Variants in TMTC2 observed in about 807,000 individuals in gnomAD.
TMTC2 encodes the protein transmembrane O-mannosyltransferase targeting cadherins 2.
Under a neutral mutation model 82.4 loss-of-function variants are expected in TMTC2, and 43 were observed. The ratio of observed to expected loss-of-function variants is 0.52; its 90% CI spans 0.41 to 0.67. TMTC2 has a LOEUF of 0.67. Among genes scored for constraint, TMTC2 ranks in the 30% least tolerant of loss-of-function variants. TMTC2 has a pLI of 0.00. For missense variants in TMTC2, 919 were observed against 1,012.4 expected, an observed-to-expected ratio of 0.91 and a Z score of 1.25; for synonymous variants, 408 against 381.9, an observed-to-expected ratio of 1.07 and a Z score of -0.80.
At chr12:82,752,075 AGTT>A (rs945445461) in intron 1 of TMTC2, among the ~76,000 whole-genome samples, 8 of 151,312 alleles carry the variant, frequency 5.3e-5, no homozygotes, top group African/African-American at 1.9e-4. Flanking sequence ...CTTTCCAAAT[AGTT>A]GTTAAATAGA....
intron 3 of TMTC2, among the ~76,000 whole-genome samples, chr12:82,905,170 C>G (rs930943619): frequency 1.3e-5 from 2 of 152,262 alleles, no homozygotes; most frequent in East Asian, 3.9e-4. Context: ...CTGGTCACCT[C>G]TCTTCCCTGA....
intron 1 of TMTC2, among the ~76,000 whole-genome samples, chr12:82,849,628 T>G (rs958668497): frequency 4.6e-5 from 7 of 152,126 alleles, no homozygotes; most frequent in African/African-American, 1.7e-4. Flanking sequence ...TTAGTTTGGA[T>G]TCAGACTTAC....
chr12:82,754,043 T>C (rs1011861934), intron 1 of TMTC2, among the ~76,000 whole-genome samples: 1 of 152,198 alleles, frequency 6.6e-6, no homozygotes, highest in Non-Finnish European at 1.5e-5. Context: ...GAGATTGAGA[T>C]TTATGCCCAA....
At chr12:83,107,186 A>C (rs1884435746) in intron 11 of TMTC2, among the ~76,000 whole-genome samples, 1 of 152,272 alleles carries the variant, frequency 6.6e-6, no homozygotes, top group South Asian at 2.1e-4. Context: ...GTATGATCTT[A>C]CAATAGAATA....
intron 1 of TMTC2, among the ~76,000 whole-genome samples, chr12:82,855,034 G>A (rs1289468122): frequency 6.6e-6 from 1 of 152,150 alleles, no homozygotes; most frequent in Non-Finnish European, 1.5e-5. Context: ...TATATGTAAA[G>A]CACTGTTCTC....
intron 8 of TMTC2, among the ~76,000 whole-genome samples, chr12:83,028,661 T>A (rs1881283251): frequency 6.6e-6 from 1 of 152,156 alleles, no homozygotes; most frequent in African/African-American, 2.4e-5. Context: ...TAGTTACAAG[T>A]TGAAATAATT....
At chr12:83,073,167 G>A (rs574505806) in intron 11 of TMTC2, among the ~76,000 whole-genome samples, 6 of 152,134 alleles carry the variant, frequency 3.9e-5, no homozygotes, top group African/African-American at 1.4e-4. Context: ...AGCAGTTCTT[G>A]TAGTGGTAGG....
rs1320417087 is a variant in TMTC2 at position 82,896,381 on chromosome 12, T to A, written c.1218T>A (p.Val406=). 2.5e-6 allele frequency: 4 copies of A among 1,614,132 alleles called. No homozygotes were observed. The highest frequency in any genetic ancestry group is 3.3e-5 in the Admixed American group (2 of 60,012). ...TATCTTTGTTAATCATACCCTTTGTTCCTGCCACGAACCTGTTTTTCTATG... is the reference window on the plus strand; with the variant it reads ...TATCTTTGTTAATCATACCCTTTGTACCTGCCACGAACCTGTTTTTCTATG... ...LSLSLLIIPF[V]PATNLFFYVG... The change falls in exon 3 of 12, where the codon GTT becomes GTA. Residue 406 remains valine, a synonymous_variant. Coordinates refer to ENST00000321196, the MANE Select transcript of TMTC2 (RefSeq NM_152588.3).
intron 1 of TMTC2, among the ~76,000 whole-genome samples, chr12:82,688,309 C>G (rs1215756225): frequency 2.0e-5 from 3 of 152,162 alleles, no homozygotes; most frequent in Non-Finnish European, 4.4e-5. Context: ...TTTCTCATTT[C>G]TGTTTGGGAG....
At chr12:82,790,843 GAAAGAA>G (rs1023494871) in intron 1 of TMTC2, among the ~76,000 whole-genome samples, 90 of 147,952 alleles carry the variant, frequency 6.1e-4, no homozygotes, top group African/African-American at 2.1e-3. Context: ...AAAAAAAAAA[GAAAGAA>G]AAAGAAAAAG....
intron 11 of TMTC2, among the ~76,000 whole-genome samples, chr12:83,116,229 T>C (rs1884757207): frequency 6.6e-6 from 1 of 152,178 alleles, no homozygotes; most frequent in African/African-American, 2.4e-5. Flanking sequence ...CAGTCTCATC[T>C]AGGTTGTGGC....
chr12:82,977,813 G>A (rs1213210424), intron 7 of TMTC2, among the ~76,000 whole-genome samples: 1 of 151,756 alleles, frequency 6.6e-6, no homozygotes, highest in Non-Finnish European at 1.5e-5. Context: ...CAGAAGTGCA[G>A]TACTTACATA....
At chr12:82,759,118 G>T (rs1021014371) in intron 1 of TMTC2, 1 of 152,166 alleles carries the variant, frequency 6.6e-6, no homozygotes, top group African/African-American at 2.4e-5. Context: ...ATATAGTGCT[G>T]GGCAAGGTGA....
chr12:82,879,879 A>C, intron 2 of TMTC2, among the ~76,000 whole-genome samples: 1 of 152,326 alleles, frequency 6.6e-6, no homozygotes, highest in East Asian at 1.9e-4. Flanking sequence ...CCAAACTGAG[A>C]TATAATAATA....
At chr12:82,840,300 T>TA (rs1331578896) in intron 1 of TMTC2, among the ~76,000 whole-genome samples, 1 of 152,204 alleles carries the variant, frequency 6.6e-6, no homozygotes, top group African/African-American at 2.4e-5. Context: ...TGGCAAACTC[T>TA]AAAGTGTGTG....
At chr12:83,110,408 G>T (rs528620277) in intron 11 of TMTC2, among the ~76,000 whole-genome samples, 3 of 152,104 alleles carry the variant, frequency 2.0e-5, no homozygotes, top group South Asian at 4.2e-4. Context: ...AAACTTCTCA[G>T]GCTAATTCCT....
chr12:82,795,175 C>T (rs931268995), intron 1 of TMTC2, among the ~76,000 whole-genome samples: 5 of 151,638 alleles, frequency 3.3e-5, no homozygotes, highest in East Asian at 1.9e-4. Context: ...CTTGGTGGCA[C>T]GTGTCTGTAA....
At chr12:83,126,564 G>A (rs1885103851) in intron 11 of TMTC2, among the ~76,000 whole-genome samples, 1 of 151,970 alleles carries the variant, frequency 6.6e-6, no homozygotes, top group African/African-American at 2.4e-5. Context: ...AGATGATAAG[G>A]GCCTGAACCA....
intron 3 of TMTC2, among the ~76,000 whole-genome samples, chr12:82,922,355 T>G (rs577787768): frequency 6.6e-6 from 1 of 152,208 alleles, no homozygotes; most frequent in African/African-American, 2.4e-5. Context: ...ACATCTGTTT[T>G]GAATTATCTT....
Sources: gnomAD v4.1 joint callset for allele counts (sites outside exome capture counted in the v4.1 genomes callset) on GRCh38, gnomAD v4.1.1 for gene constraint, MANE v1.5 for transcripts, NCBI Gene and HGNC (gene_info 2026-07-23, HGNC 2026-07-21) for gene names.